Variants in CCDC178 observed in about 807,000 individuals in gnomAD.
CCDC178 encodes coiled-coil domain containing 178.
Under a neutral mutation model 117.4 loss-of-function variants are expected in CCDC178, and 126 were observed. That is an observed-to-expected ratio of 1.07 (90% CI 0.93 to 1.24). The LOEUF (loss-of-function observed/expected upper bound fraction) is 1.24. CCDC178 is among the 50% of genes most tolerant of loss of function. The probability of loss-of-function intolerance (pLI) is 0.00; values close to 1 mark genes in which losing one functional copy is unlikely to be tolerated. For missense variants in CCDC178, 1,030 were observed against 986.9 expected, an observed-to-expected ratio of 1.04 and a Z score of -0.59; for synonymous variants, 283 against 313.4, an observed-to-expected ratio of 0.90 and a Z score of 1.02.
intron 20 of CCDC178, among the ~76,000 whole-genome samples, chr18:33,155,010 C>CA (rs1449241477): frequency 1.3e-5 from 2 of 152,020 alleles, no homozygotes; most frequent in African/African-American, 4.8e-5. Context: ...TAGAAAAGAA[C>CA]AATTATCTTA....
rs1313811747 is a variant in CCDC178 at position 33,249,320 on chromosome 18, T to G, written c.1410-3892A>C. 4.6e-5 allele frequency among the ~76,000 whole-genome samples: 7 copies of G among 152,162 alleles called. No individual in the cohort carries two copies. The South Asian group carries it at 8.3e-4, about 18-fold the overall frequency. ...GCTTTTGTTGCCATTGCTTTTGGTG[T>G]TTTAGACATGAAGTCCTTGACCATG... On this transcript the variant is annotated intron_variant, in intron 14 of 22. Transcript: ENST00000383096.
chr18:33,322,402 A>G (rs1303730199), intron 11 of CCDC178, among the ~76,000 whole-genome samples: 2 of 151,850 alleles, frequency 1.3e-5, no homozygotes, highest in African/African-American at 2.4e-5. Flanking sequence ...CTAATGAAAG[A>G]GTAACAACAG....
intron 20 of CCDC178, among the ~76,000 whole-genome samples, chr18:33,153,018 T>TG (rs1555651686): frequency 2.2e-5 from 1 of 44,908 alleles, no homozygotes; most frequent in Non-Finnish European, 8.0e-5. Flanking sequence ...TTTAGACTTG[T>TG]GAAAAAAAAA....
At chr18:33,223,421 C>CA (rs1465532716) in intron 17 of CCDC178, among the ~76,000 whole-genome samples, 10 of 151,864 alleles carry the variant, frequency 6.6e-5, no homozygotes, top group Middle Eastern at 3.2e-3. Context: ...GTGAGAAAGC[C>CA]AAAATCTAAT....
At chr18:33,384,049 G>A (rs141594286) in intron 5 of CCDC178, among the ~76,000 whole-genome samples, 2,766 of 152,074 alleles carry the variant, frequency 0.018, 85 homozygotes, top group African/African-American at 0.063. Flanking sequence ...AACACAGCAC[G>A]GGAACTTCAT....
chr18:33,327,097 G>C (rs1422353923), intron 10 of CCDC178, among the ~76,000 whole-genome samples: 2 of 152,050 alleles, frequency 1.3e-5, no homozygotes, highest in African/African-American at 2.4e-5. Context: ...AACAAAACAT[G>C]ACAAACAAAA....
chr18:33,370,015 T>C, intron 6 of CCDC178, 35 bp downstream of exon 6: 1 of 1,510,768 alleles, frequency 6.6e-7, no homozygotes, highest in Non-Finnish European at 8.9e-7. Context: ...CGATAAAGCT[T>C]ACCAAAATAT....
intron 20 of CCDC178, among the ~76,000 whole-genome samples, chr18:33,093,211 T>C (rs538136370): frequency 3.3e-4 from 50 of 152,206 alleles, no homozygotes; most frequent in African/African-American, 1.2e-3. Flanking sequence ...CCCTCTATCA[T>C]GCCTTGAAAG....
At chr18:33,128,707 G>T (rs1437044660) in intron 20 of CCDC178, among the ~76,000 whole-genome samples, 1 of 152,154 alleles carries the variant, frequency 6.6e-6, no homozygotes, top group Non-Finnish European at 1.5e-5. Flanking sequence ...CCCTAAGGAA[G>T]CTCTGGAAGG....
intron 12 of CCDC178, 85 bp from the exon 13 acceptor site, chr18:33,267,382 G>T: frequency 1.3e-6 from 1 of 755,222 alleles, no homozygotes; most frequent in Non-Finnish European, 2.1e-6. Context: ...TCATGATAAA[G>T]TAGAATTTGT....
At chr18:32,981,427 A>C (rs1024747520) in intron 21 of CCDC178, among the ~76,000 whole-genome samples, 2 of 152,194 alleles carry the variant, frequency 1.3e-5, no homozygotes, top group Non-Finnish European at 2.9e-5. Flanking sequence ...CAAATATAGA[A>C]AATGTCAGGA....
chr18:33,327,926 G>T (rs1342868514), intron 10 of CCDC178, among the ~76,000 whole-genome samples: 2 of 151,942 alleles, frequency 1.3e-5, no homozygotes, highest in South Asian at 2.1e-4. Context: ...CATATAATTT[G>T]CAATGTTTTC....
At chr18:33,084,503 T>C (rs905612621) in intron 21 of CCDC178, among the ~76,000 whole-genome samples, 2 of 151,988 alleles carry the variant, frequency 1.3e-5, no homozygotes, top group Admixed American at 6.6e-5. Context: ...TTCTAATTGG[T>C]GTTTGGTGGT....
intron 11 of CCDC178, among the ~76,000 whole-genome samples, chr18:33,298,396 G>C (rs962916025): frequency 6.6e-6 from 1 of 151,958 alleles, no homozygotes; most frequent in Non-Finnish European, 1.5e-5. Flanking sequence ...TCTCAGTAAA[G>C]GCAAGTAAAG....
At chr18:33,426,611 T>C (rs541405724) in intron 2 of CCDC178, among the ~76,000 whole-genome samples, 13 of 152,344 alleles carry the variant, frequency 8.5e-5, no homozygotes, top group Non-Finnish European at 1.8e-4. Context: ...CTTCCTTTCC[T>C]TAGGTCTCTA....
chr18:33,129,999 G>C (rs2058051587), intron 20 of CCDC178, among the ~76,000 whole-genome samples: 1 of 151,690 alleles, frequency 6.6e-6, no homozygotes, highest in South Asian at 2.1e-4. Context: ...TTTTAATTCT[G>C]GATTAAATAT....
chr18:33,110,809 TG>T (rs1329693664), intron 20 of CCDC178, among the ~76,000 whole-genome samples: 1 of 151,650 alleles, frequency 6.6e-6, no homozygotes, highest in African/African-American at 2.4e-5. Context: ...TTTCTTATAA[TG>T]TGGCCTCATA....
At chr18:33,435,169 A>C (rs1232459829) in intron 2 of CCDC178, among the ~76,000 whole-genome samples, 7 of 152,162 alleles carry the variant, frequency 4.6e-5, no homozygotes, top group South Asian at 4.1e-4. Context: ...AGAGTTAATT[A>C]TATTTTTTAA....
intron 22 of CCDC178, among the ~76,000 whole-genome samples, chr18:32,961,746 G>A (rs2054707445): frequency 6.6e-6 from 1 of 152,084 alleles, no homozygotes; most frequent in Non-Finnish European, 1.5e-5. Context: ...TGATCTGACA[G>A]GAGGCGGAGC....
Sources: gnomAD v4.1 joint callset for allele counts (sites outside exome capture counted in the v4.1 genomes callset) on GRCh38, gnomAD v4.1.1 for gene constraint, MANE v1.5 for transcripts, NCBI Gene and HGNC (gene_info 2026-07-23, HGNC 2026-07-21) for gene names.